BAZ2B: variants seen among roughly 807,000 people sequenced by gnomAD.
The protein encoded by BAZ2B is bromodomain adjacent to zinc finger domain protein 2B.
In BAZ2B, 91 loss-of-function variants were observed where a neutral mutation model predicts 246.0. The ratio of observed to expected loss-of-function variants is 0.37; its 90% CI spans 0.31 to 0.44. The LOEUF (loss-of-function observed/expected upper bound fraction) is 0.44. Among genes scored for constraint, BAZ2B ranks in the 20% least tolerant of loss-of-function variants. The pLI, the probability that BAZ2B is intolerant of heterozygous loss-of-function variation, is 1.00. For missense variants in BAZ2B, 2,332 were observed against 2,533.7 expected, an observed-to-expected ratio of 0.92 and a Z score of 1.71; for synonymous variants, 855 against 860.0, an observed-to-expected ratio of 0.99 and a Z score of 0.10.
intron 20 of BAZ2B, among the ~76,000 whole-genome samples, chr2:159,389,751 C>T (rs1195227846): frequency 1.3e-5 from 2 of 152,052 alleles, no homozygotes; most frequent in African/African-American, 4.8e-5. Context: ...TGAACATGGG[C>T]AACTACATAT....
At chr2:159,657,534 C>G in the BAZ2B span, among the ~76,000 whole-genome samples, 1 of 152,160 alleles carries the variant, frequency 6.6e-6, no homozygotes, top group Non-Finnish European at 1.5e-5. Flanking sequence ...TCTGTTAAAT[C>G]TATAAATCAA....
intron 27 of BAZ2B, among the ~76,000 whole-genome samples, chr2:159,354,618 T>G (rs940687706): frequency 3.3e-5 from 5 of 152,208 alleles, no homozygotes; most frequent in African/African-American, 1.2e-4. Context: ...CCCAAAGTGC[T>G]GGGATTACAG....
In BAZ2B at chr2:159,433,143, G is replaced by A; in HGVS notation, c.1514C>T (p.Ala505Val). 6.2e-7 allele frequency: 1 copy of A among 1,614,182 alleles called. No individual in the cohort carries two copies. Among genetic ancestry groups the A allele is most frequent in the South Asian group, 1.1e-5 (1 of 91,088 alleles). The change falls in exon 9 of 37, where the codon GCT becomes GTT. Residue 505 changes from alanine to valine, a missense_variant. By Grantham distance (64) the Ala-to-Val change is moderately conservative. Around this residue, in one of 9 missense-constraint regions of BAZ2B, gnomAD observed 651 missense variants for 650.9 expected, o/e 1.00. Transcript: ENST00000392783. ...AGTTTTGGTAGTAAGTGCTAGAGGA[G>A]CTTCTTGAATGACACTTTGAATAAC... ...NGVIQSVIQEAPLALTTKTKM... is the reference protein window; with the variant it reads ...NGVIQSVIQEVPLALTTKTKM...
chr2:159,550,036 C>A (rs1209464509), intron 2 of BAZ2B, among the ~76,000 whole-genome samples: 1 of 152,076 alleles, frequency 6.6e-6, no homozygotes, highest in Non-Finnish European at 1.5e-5. Flanking sequence ...GTCGGCCAAG[C>A]TGGTCTCAAA....
chr2:159,397,158 A>G lies in BAZ2B; in HGVS notation c.3009+187T>C, dbSNP rs3815687. The G allele has an allele frequency of 5.0e-3, 7,281 of 1,456,860 alleles. 221 individuals are homozygous for G. In the South Asian group the frequency reaches 0.051, roughly 10 times the overall value. 90.2% of individuals were successfully genotyped at this position (1,456,860 alleles called of 1,614,324 possible). ...CAGAAATCACAGAGTCATAAAACCA[A>G]TTTTTTAACCCCCCAAAAAGACACC... On this transcript the variant is annotated intron_variant, in intron 19 of 36. Coordinates refer to ENST00000392783, the MANE Select transcript of BAZ2B (RefSeq NM_013450.4).
rs549747980 is a variant in BAZ2B, at chr2:159,393,335, T to C, written c.3075+2434A>G. 9.9e-5 allele frequency among the ~76,000 whole-genome samples: 15 copies of C among 152,276 alleles called. No homozygotes were observed. In the South Asian group the frequency reaches 2.9e-3, roughly 29 times the overall value. On this transcript the variant is annotated intron_variant, in intron 20 of 36. Transcript: ENST00000392783. The stretch of plus-strand genomic sequence containing the variant: ...GCATAGGGAGTGCTGAGGAAAGCAA[T>C]AATGAGAACAGAGAAACCAGGCTCG...
At position 159,325,734 on chromosome 2, in the gene BAZ2B, G is replaced by A; in HGVS notation, c.6128C>T (p.Ser2043Phe). 1 of 1,598,060 alleles carries A rather than the reference G, an allele frequency of 6.3e-7. No homozygotes were observed. The highest frequency in any genetic ancestry group is 8.5e-7 in the Non-Finnish European group (1 of 1,176,354). The part of the protein sequence containing the change: ...LKKRKMEENT[S>F]INLSKQESFT... ...ACTTTCTTGTTTTGACAAGTTAATA[G>A]AAGTGTTTTCCTCCATTTTTCTTTT... The change falls in exon 35 of 37, where the codon TCT (serine) becomes TTT (phenylalanine). Residue 2043 changes from serine (S) to phenylalanine (F), a missense_variant. This residue lies in a region of BAZ2B where 210 missense variants were observed against 232.5 expected (regional missense o/e 0.90). Coordinates refer to ENST00000392783, the MANE Select transcript of BAZ2B (RefSeq NM_013450.4).
At position 159,431,051 on chromosome 2, in the gene BAZ2B, G is replaced by T; in HGVS notation, c.2006C>A (p.Ser669Ter). 1 of 1,613,972 alleles carries T rather than the reference G, an allele frequency of 6.2e-7. No homozygotes were observed. Among genetic ancestry groups the T allele is most frequent in the Non-Finnish European group, 8.5e-7 (1 of 1,179,896 alleles). Residue 669 changes from serine to a stop codon, truncating the protein, a stop_gained, in exon 10 of 37, where the codon TCA (serine) becomes TAA (stop). Transcript: ENST00000392783. LOFTEE classifies it high-confidence loss of function. ...GGAAGTTGTTTTATTCAGTTTCATT[G>T]AAGTTTTCTCTCCTTCAGTATCACT... ...SDSDTEGEKT[S>*]MKLNKTTSSV... is the part of the protein sequence containing the mutation.
intron 1 of BAZ2B, among the ~76,000 whole-genome samples, chr2:159,556,980 A>G (rs2089218505): frequency 6.6e-6 from 1 of 152,158 alleles, no homozygotes; most frequent in Non-Finnish European, 1.5e-5. Flanking sequence ...TGACTTGTCT[A>G]AGCACAAAGA....
At chr2:159,526,712 A>G (rs553829556) in intron 2 of BAZ2B, among the ~76,000 whole-genome samples, 2 of 152,322 alleles carry the variant, frequency 1.3e-5, no homozygotes, top group Admixed American at 1.3e-4. Context: ...GTCTTTTGGC[A>G]GATCATGAAA....
At chr2:159,667,645 A>T in the BAZ2B span, among the ~76,000 whole-genome samples, 1 of 145,862 alleles carries the variant, frequency 6.9e-6, no homozygotes, top group South Asian at 2.2e-4. Flanking sequence ...AATAAATAAA[A>T]GACTCTCCAT....
At chr2:159,641,784 C>G in the BAZ2B span, among the ~76,000 whole-genome samples, 2 of 152,118 alleles carry the variant, frequency 1.3e-5, no homozygotes, top group African/African-American at 2.4e-5. Flanking sequence ...AATGGCTAGC[C>G]AGTTATCCCA....
In BAZ2B at chr2:159,412,502, C is replaced by G. The variant is rs767324069; in HGVS notation, c.2510G>C (p.Arg837Pro). ...CLLKEEDVIP[R>P]IRAMEGRRGR... ...TCTACGACCTTCCATTGCCCTGATA[C>G]GAGGAATGACATCCTCTTCTTTCAA... The change falls in exon 14 of 37, where the codon CGT becomes CCT. Residue 837 changes from arginine (R) to proline (P), a missense_variant. Physicochemically the swap from Arg to Pro is moderately radical, Grantham distance 103 (BLOSUM62 -2). Coordinates refer to ENST00000392783, the MANE Select transcript of BAZ2B (RefSeq NM_013450.4). The G allele has an allele frequency of 1.2e-6, 2 of 1,613,998 alleles. No homozygotes were observed. Among genetic ancestry groups the G allele is most frequent in the African/African-American group, 1.3e-5 (1 of 75,038 alleles).
chr2:159,448,109 G>C (rs2074519903), intron 5 of BAZ2B, 133 bp downstream of exon 5: 1 of 1,023,810 alleles, frequency 9.8e-7, no homozygotes. Context: ...GGGCAAAAGA[G>C]TGAGACCTTG....
intron 31 of BAZ2B, among the ~76,000 whole-genome samples, chr2:159,345,554 G>A (rs1294724611): frequency 6.6e-6 from 1 of 152,134 alleles, no homozygotes; most frequent in African/African-American, 2.4e-5. Context: ...ATGTGATAAA[G>A]GTCAAAGGAC....
the BAZ2B span, among the ~76,000 whole-genome samples, chr2:159,697,398 T>A: frequency 1.3e-5 from 2 of 152,130 alleles, no homozygotes; most frequent in Non-Finnish European, 2.9e-5. Flanking sequence ...TAACAAACAA[T>A]TCATAAATAA....
intron 13 of BAZ2B, among the ~76,000 whole-genome samples, chr2:159,426,080 T>G (rs889582486): frequency 6.6e-5 from 10 of 152,226 alleles, no homozygotes; most frequent in Non-Finnish European, 1.3e-4. Flanking sequence ...CCTAGCATTC[T>G]GCTGAAATGT....
chr2:159,661,840 C>T, the BAZ2B span, among the ~76,000 whole-genome samples: 59 of 152,006 alleles, frequency 3.9e-4, no homozygotes, highest in African/African-American at 1.2e-3. Context: ...CGAACTCTTG[C>T]GCTCAAGCGA....
chr2:159,473,713 C>T lies in BAZ2B; in HGVS notation c.145+4862G>A, dbSNP rs148407079. ...GTGGGCATTTAGTGCTATAAATTTC[C>T]CTCTAAACACTGCTTTAGCTGTGTC... On this transcript the variant is annotated intron_variant, in intron 3 of 36. Transcript: ENST00000392783. Among the ~76,000 whole-genome samples, 2,161 of 152,262 alleles carry T rather than the reference C, an allele frequency of 0.014. 159 individuals carry two copies. The East Asian group carries it at 0.22, about 16-fold the overall frequency.
Sources: gnomAD v4.1 joint callset for allele counts (sites outside exome capture counted in the v4.1 genomes callset) on GRCh38, gnomAD v4.1.1 for gene constraint, gnomAD v4.1.1 regional missense constraint, MANE v1.5 for transcripts, NCBI Gene and HGNC (gene_info 2026-07-23, HGNC 2026-07-21) for gene names.